GRIK1: variants seen among roughly 807,000 people sequenced by gnomAD.
GRIK1 encodes glutamate receptor ionotropic, kainate 1.
Under a neutral mutation model 105.7 loss-of-function variants are expected in GRIK1, and 69 were observed. The observed-to-expected ratio is 0.65, with a 90% CI of 0.54 to 0.80. The LOEUF (loss-of-function observed/expected upper bound fraction) is 0.80, where lower values mean the gene tolerates loss of function less well. Ranked by LOEUF, GRIK1 falls within the 30% of genes least tolerant of loss-of-function variation. The pLI, the probability that GRIK1 is intolerant of heterozygous loss-of-function variation, is 0.00. For synonymous variants in GRIK1, 438 were observed against 431.3 expected, an observed-to-expected ratio of 1.02 and a Z score of -0.19; for missense variants, 1,109 against 1,167.3, an observed-to-expected ratio of 0.95 and a Z score of 0.73.
intron 1 of GRIK1, among the ~76,000 whole-genome samples, chr21:29,707,450 C>CCCTCCCTTCCTTCCTT (rs1555875924): frequency 2.8e-5 from 2 of 71,576 alleles, no homozygotes; most frequent in East Asian, 1.4e-3. Context: ...CTCCCTCCCT[C>CCCTCCCTTCCTTCCTT]CCTCCCTCCC....
chr21:29,782,570 G>A (rs1480047773), intron 1 of GRIK1, among the ~76,000 whole-genome samples: 1 of 152,150 alleles, frequency 6.6e-6, no homozygotes, highest in East Asian at 1.9e-4. Context: ...TACTCTGATT[G>A]ATTCTGTGCC....
intron 5 of GRIK1, among the ~76,000 whole-genome samples, chr21:29,652,861 T>C (rs1436604289): frequency 2.0e-5 from 3 of 152,228 alleles, no homozygotes; most frequent in Admixed American, 6.5e-5. Context: ...ACTTCGCAAT[T>C]TGCATTTGCG....
chr21:29,771,594 G>A (rs980744768), intron 1 of GRIK1, among the ~76,000 whole-genome samples: 34 of 152,262 alleles, frequency 2.2e-4, no homozygotes, highest in Middle Eastern at 3.4e-3. Flanking sequence ...GTAATGGTTG[G>A]TACCTGGCTC....
intron 1 of GRIK1, among the ~76,000 whole-genome samples, chr21:29,754,607 T>C (rs1181696004): frequency 6.6e-6 from 1 of 152,230 alleles, no homozygotes; most frequent in African/African-American, 2.4e-5. Flanking sequence ...GTCATTTCAA[T>C]GTGTCAACTT....
intron 1 of GRIK1, among the ~76,000 whole-genome samples, chr21:29,839,049 C>CTT (rs1359253726): frequency 1.3e-5 from 2 of 151,672 alleles, no homozygotes; most frequent in Non-Finnish European, 2.9e-5. Context: ...GATTTCTTTT[C>CTT]TTTTCTTTTC....
chr21:29,682,284 T>A (rs1304948644), intron 3 of GRIK1, among the ~76,000 whole-genome samples: 1 of 152,214 alleles, frequency 6.6e-6, no homozygotes, highest in Non-Finnish European at 1.5e-5. Flanking sequence ...TGTTTTTCTT[T>A]TGCAGCCTAA....
chr21:29,849,559 A>T (rs1011482677), intron 1 of GRIK1, among the ~76,000 whole-genome samples: 2 of 152,194 alleles, frequency 1.3e-5, no homozygotes, highest in Non-Finnish European at 2.9e-5. Flanking sequence ...ATTAAGGATA[A>T]GTGTAGAGTG....
At chr21:29,920,038 TAGA>T (rs1221649182) in intron 1 of GRIK1, among the ~76,000 whole-genome samples, 1 of 152,120 alleles carries the variant, frequency 6.6e-6, no homozygotes, top group African/African-American at 2.4e-5. Flanking sequence ...TGAGGCAGAA[TAGA>T]AGAAGAATCA....
intron 1 of GRIK1, among the ~76,000 whole-genome samples, chr21:29,742,383 C>T (rs185499643): frequency 1.5e-4 from 23 of 152,254 alleles, no homozygotes; most frequent in Admixed American, 4.6e-4. Context: ...GGATTGGAGA[C>T]AAAGTGAGCA....
chr21:29,913,111 T>C (rs554745361), intron 1 of GRIK1, among the ~76,000 whole-genome samples: 2 of 152,210 alleles, frequency 1.3e-5, no homozygotes, highest in African/African-American at 2.4e-5. Context: ...CCTTTCAACA[T>C]TGAATTCCAG....
At chr21:29,635,176 C>T (rs2062370861) in intron 7 of GRIK1, among the ~76,000 whole-genome samples, 1 of 152,144 alleles carries the variant, frequency 6.6e-6, no homozygotes, top group Admixed American at 6.5e-5. Flanking sequence ...TGGCAGGCTC[C>T]ATCGTACTGT....
At position 29,686,068 on chromosome 21, in the gene GRIK1, A is replaced by C. The variant is rs2063481276; in HGVS notation, c.544+3660T>G. Among the ~76,000 whole-genome samples the C allele has an allele frequency of 2.0e-5, 3 of 152,276 alleles. No homozygotes were observed. In the South Asian group the frequency reaches 6.2e-4, roughly 32 times the overall value. Reference sequence around the variant, plus strand: ...CCCTCAGCCTATTACCACTGATTCTACCCTTTTGTCCAATCACATTTCCAC... The same window carrying C: ...CCCTCAGCCTATTACCACTGATTCTCCCCTTTTGTCCAATCACATTTCCAC... On this transcript the variant is annotated intron_variant, in intron 3 of 17. Transcript: ENST00000327783.
chr21:29,884,947 C>T (rs2069555790), intron 1 of GRIK1, among the ~76,000 whole-genome samples: 2 of 151,978 alleles, frequency 1.3e-5, no homozygotes, highest in South Asian at 2.1e-4. Context: ...CGATGTTGCT[C>T]AAAACTGTTC....
At chr21:29,669,655 C>T (rs897870725) in intron 4 of GRIK1, among the ~76,000 whole-genome samples, 3 of 152,152 alleles carry the variant, frequency 2.0e-5, no homozygotes, top group African/African-American at 7.2e-5. Context: ...TCAGTTGCCT[C>T]ACCTCGAAAG....
intron 1 of GRIK1, among the ~76,000 whole-genome samples, chr21:29,892,480 A>C (rs2300332): frequency 0.48 from 73,436 of 152,136 alleles, 20,969 homozygotes; most frequent in Non-Finnish European, 0.63. Flanking sequence ...CTGAATTGGG[A>C]AAGTGATTGA....
intron 1 of GRIK1, among the ~76,000 whole-genome samples, chr21:29,758,658 C>A (rs188682168): frequency 6.6e-6 from 1 of 152,302 alleles, no homozygotes; most frequent in East Asian, 1.9e-4. Context: ...GAAGGGATTG[C>A]CACAAAACAT....
intron 4 of GRIK1, among the ~76,000 whole-genome samples, chr21:29,656,557 G>C (rs1382623868): frequency 2.0e-5 from 3 of 151,980 alleles, no homozygotes; most frequent in Non-Finnish European, 4.4e-5. Context: ...GTGTAGCCTT[G>C]ATTTCTGCAT....
In GRIK1 at chr21:29,614,750, C is replaced by T. The variant is rs111390141; in HGVS notation, c.1099-15813G>A. 7.9e-3 allele frequency among the ~76,000 whole-genome samples: 1,193 copies of T among 151,510 alleles called. 61 individuals are homozygous for T. Among genetic ancestry groups the T allele is most frequent in the African/African-American group, 0.028 (1,143 of 40,850 alleles). Reference sequence around the variant, plus strand: ...ATATACTATTTATGACTTTTCCCTGCTGTGCTTTCCACCTCCATCTACTGC... The same window carrying T: ...ATATACTATTTATGACTTTTCCCTGTTGTGCTTTCCACCTCCATCTACTGC... On this transcript the variant is annotated intron_variant, in intron 7 of 17. Coordinates refer to ENST00000327783, the MANE Select transcript of GRIK1 (RefSeq NM_001330994.2).
chr21:29,558,224 TAGTC>T (rs1329940279), intron 15 of GRIK1, among the ~76,000 whole-genome samples: 2 of 152,248 alleles, frequency 1.3e-5, no homozygotes, highest in Admixed American at 6.5e-5. Context: ...ATAAGGGAGT[TAGTC>T]AGGGCAAGAC....
Sources: gnomAD v4.1 joint callset for allele counts (sites outside exome capture counted in the v4.1 genomes callset) on GRCh38, gnomAD v4.1.1 for gene constraint, MANE v1.5 for transcripts, NCBI Gene and HGNC (gene_info 2026-07-23, HGNC 2026-07-21) for gene names.